IL17RD: variants seen among roughly 807,000 people sequenced by gnomAD.
The protein encoded by IL17RD is interleukin 17 receptor D, also known as interleukin-17 receptor D.
Under a neutral mutation model 80.5 loss-of-function variants are expected in IL17RD, and 52 were observed. The ratio of observed to expected loss-of-function variants is 0.65; its 90% CI spans 0.52 to 0.81. The LOEUF (loss-of-function observed/expected upper bound fraction) is 0.81. IL17RD is among the 40% of genes least tolerant of loss of function. The pLI, the probability that IL17RD is intolerant of heterozygous loss-of-function variation, is 0.00. For synonymous variants in IL17RD, 416 were observed against 391.8 expected, an observed-to-expected ratio of 1.06 and a Z score of -0.73; for missense variants, 1,024 against 955.1, an observed-to-expected ratio of 1.07 and a Z score of -0.95.
chr3:57,111,763 G>A (rs912919973), intron 3 of IL17RD, among the ~76,000 whole-genome samples: 1 of 151,250 alleles, frequency 6.6e-6, no homozygotes, highest in Admixed American at 6.6e-5. Context: ...AAGGTCAGGA[G>A]ATTGAGACCA....
chr3:57,121,844 C>G (rs781055812), intron 1 of IL17RD, among the ~76,000 whole-genome samples: 1 of 152,138 alleles, frequency 6.6e-6, no homozygotes, highest in African/African-American at 2.4e-5. Context: ...AGCCCAAGAT[C>G]CCCAAATCAC....
At chr3:57,101,078 G>A in intron 11 of IL17RD, 101 bp downstream of exon 11, 2 of 851,560 alleles carry the variant, frequency 2.3e-6, no homozygotes, top group South Asian at 1.8e-5. Flanking sequence ...TCAAGGGCAG[G>A]TGTCACCACA....
chr3:57,091,320 G>C lies in IL17RD; in HGVS notation c.*5073C>G, dbSNP rs1706548247. On this transcript the variant is annotated 3_prime_UTR_variant, in exon 13 of 13. Transcript: ENST00000296318. ...CAGGAGGAAAACAAACACAAGTTAT[G>C]ATAGATGACTATCATCAGGGGAAAA... 1 of 152,582 alleles carries C rather than the reference G, an allele frequency of 6.6e-6. No homozygotes were observed. The highest frequency in any genetic ancestry group is 1.5e-5 in the Non-Finnish European group (1 of 68,022). 9.5% of individuals were successfully genotyped at this position (152,582 alleles called of 1,614,324 possible). A position where few individuals can be genotyped will look rare whatever the true frequency, so the allele number is the denominator to read the frequency against.
rs1294574241 is a variant in IL17RD, at chr3:57,094,722, G to A, written c.*1671C>T. 6.6e-6 allele frequency: 1 copy of A among 152,188 alleles called. No homozygotes were observed. The highest frequency in any genetic ancestry group is 1.5e-5 in the Non-Finnish European group (1 of 68,048). 9.4% of individuals were successfully genotyped at this position (152,188 alleles called of 1,614,324 possible). A position where few individuals can be genotyped will look rare whatever the true frequency, so the allele number is the denominator to read the frequency against. On this transcript the variant is annotated 3_prime_UTR_variant, in exon 13 of 13. Coordinates refer to ENST00000296318, the MANE Select transcript of IL17RD (RefSeq NM_017563.5). ...TAGGATGAAATGGCGGGGCAGTCAT[G>A]TGTGGGTAGGAGCTCTGCACTCATT...
At position 57,109,931 on chromosome 3, in the gene IL17RD, T is replaced by C. The variant is rs7618704; in HGVS notation, c.429+262A>G. On this transcript the variant is annotated intron_variant, in intron 4 of 12. Transcript: ENST00000296318. ...AGTTGGGGCGCAGGGTGAGCCCACATACACTCTTTGGAGCACAAAGACACC... is the reference window on the plus strand; with the variant it reads ...AGTTGGGGCGCAGGGTGAGCCCACACACACTCTTTGGAGCACAAAGACACC... Among the ~76,000 whole-genome samples the C allele has an allele frequency of 0.062, 9,423 of 152,266 alleles. 400 individuals are homozygous for C. The highest frequency in any genetic ancestry group is 0.12 in the African/African-American group (5,010 of 41,540).
intron 3 of IL17RD, among the ~76,000 whole-genome samples, chr3:57,111,042 C>G (rs1707085828): frequency 6.6e-6 from 1 of 152,238 alleles, no homozygotes; most frequent in African/African-American, 2.4e-5. Flanking sequence ...AAGGATTAAG[C>G]TCTGACGGTC....
At chr3:57,124,292 G>A (rs1284274616) in intron 1 of IL17RD, among the ~76,000 whole-genome samples, 1 of 152,128 alleles carries the variant, frequency 6.6e-6, no homozygotes, top group Non-Finnish European at 1.5e-5. Flanking sequence ...CCACATTCTA[G>A]TTCCCAGAAC....
At position 57,109,572 on chromosome 3, in the gene IL17RD, T is replaced by C. The variant is rs143996885; in HGVS notation, c.515A>G (p.Glu172Gly). 6.4e-5 allele frequency: 104 copies of C among 1,613,906 alleles called. No homozygotes were observed. In the African/African-American group the frequency reaches 1.3e-3, roughly 19 times the overall value. Residue 172 changes from glutamate (E) to glycine (G), a missense_variant, in exon 5 of 13, where the codon GAA (glutamate) becomes GGA (glycine). Glu to Gly is a moderately conservative substitution (Grantham distance 98, BLOSUM62 -2). Coordinates refer to ENST00000296318, the MANE Select transcript of IL17RD (RefSeq NM_017563.5). Reference protein sequence around the residue: ...KVVPFPSIKNESNYHPFFFRT... With the variant: ...KVVPFPSIKNGSNYHPFFFRT... ...AAAGAAGAAAGGGTGGTAATTGCTTTCGTTTTTAATGGAAGGAAAAGGGAC... is the reference window on the plus strand; with the variant it reads ...AAAGAAGAAAGGGTGGTAATTGCTTCCGTTTTTAATGGAAGGAAAAGGGAC...
chr3:57,120,381 G>C, intron 1 of IL17RD, 68 bp from the exon 2 acceptor site: 2 of 1,113,938 alleles, frequency 1.8e-6, no homozygotes, highest in Non-Finnish European at 2.7e-6. Flanking sequence ...AAGCCCCATG[G>C]AGTCCAAATG....
intron 1 of IL17RD, among the ~76,000 whole-genome samples, chr3:57,131,185 C>T (rs1237805563): frequency 1.4e-5 from 2 of 145,932 alleles, no homozygotes; most frequent in East Asian, 4.2e-4. Context: ...TCTCAACTGT[C>T]TTGATTCTCC....
intron 1 of IL17RD, among the ~76,000 whole-genome samples, chr3:57,132,134 C>T (rs577837040): frequency 1.9e-4 from 28 of 150,990 alleles, no homozygotes; most frequent in Non-Finnish European, 3.8e-4. Flanking sequence ...CGTAGTGAGC[C>T]GAGATCACAC....
At chr3:57,109,113 T>A (rs1707033228) in intron 5 of IL17RD, among the ~76,000 whole-genome samples, 1 of 152,294 alleles carries the variant, frequency 6.6e-6, no homozygotes, top group Admixed American at 6.5e-5. Flanking sequence ...GCCATGCTTG[T>A]TTCATACCAG....
Position 57,156,669 on chromosome 3 carries a change from C to T in IL17RD, c.126+8492G>A, listed in dbSNP as rs148719267. On this transcript the variant is annotated intron_variant, in intron 1 of 12. Coordinates refer to ENST00000296318, the MANE Select transcript of IL17RD (RefSeq NM_017563.5). ...CCACTGAGTGTCCCTCTTATCAAAC[C>T]GTTCACCTGTTGGAGAAATCTTCCA... 6.6e-5 allele frequency among the ~76,000 whole-genome samples: 10 copies of T among 152,292 alleles called. No homozygotes were observed. In the East Asian group the frequency reaches 1.5e-3, roughly 24 times the overall value.
chr3:57,103,871 A>G (rs535543575), intron 8 of IL17RD, among the ~76,000 whole-genome samples: 1,687 of 152,154 alleles, frequency 0.011, 35 homozygotes, highest in African/African-American at 0.038. Flanking sequence ...CGCCCAGCTA[A>G]TTTTTGTATT....
intron 1 of IL17RD, among the ~76,000 whole-genome samples, chr3:57,126,538 C>A (rs578189131): frequency 1.3e-5 from 2 of 152,352 alleles, no homozygotes; most frequent in African/African-American, 4.8e-5. Context: ...CAGCTAGGGG[C>A]AGCCATGAAG....
rs1032019812 is a variant in IL17RD at position 57,094,545 on chromosome 3, T to C, written c.*1848A>G. The C allele has an allele frequency of 6.6e-6, 1 of 152,194 alleles. No individual in the cohort carries two copies. The highest frequency in any genetic ancestry group is 1.5e-5 in the Non-Finnish European group (1 of 68,048). 9.4% of individuals were successfully genotyped at this position (152,194 alleles called of 1,614,324 possible). A position where few individuals can be genotyped will look rare whatever the true frequency, so the allele number is the denominator to read the frequency against. On this transcript the variant is annotated 3_prime_UTR_variant, in exon 13 of 13. Transcript: ENST00000296318. ...ACTTTCTCAGAGATGCCTTATTTCA[T>C]GAACAAAGCTGAATACCCTAAAAGC...
chr3:57,152,704 A>G (rs923614281), intron 1 of IL17RD, among the ~76,000 whole-genome samples: 1 of 152,258 alleles, frequency 6.6e-6, no homozygotes, highest in African/African-American at 2.4e-5. Context: ...AACAAAAGCC[A>G]TGTAATTAGG....
Position 57,090,777 on chromosome 3 carries a change from G to A in IL17RD, c.*5616C>T, listed in dbSNP as rs1216873070. The A allele has an allele frequency of 6.6e-6, 1 of 152,208 alleles. No homozygotes were observed. The highest frequency in any genetic ancestry group is 1.5e-5 in the Non-Finnish European group (1 of 68,024). The allele number at this position is 152,208 out of a possible 1,614,324, so 9.4% of individuals were successfully genotyped here. ...ATGGCAATTTTTTGTCTAACAATTG[G>A]AGCAGCTAATTTTGTCTACATCATG... On this transcript the variant is annotated 3_prime_UTR_variant, in exon 13 of 13. Transcript: ENST00000296318.
intron 5 of IL17RD, 75 bp downstream of exon 5, chr3:57,109,462 A>T: frequency 6.5e-7 from 1 of 1,546,210 alleles, no homozygotes; most frequent in Non-Finnish European, 8.8e-7. Flanking sequence ...GTTCTTGAAC[A>T]CATTTCTGTA....
Sources: allele counts gnomAD v4.1 joint callset (sites outside exome capture counted in the v4.1 genomes callset), GRCh38; gene constraint gnomAD v4.1.1; transcripts MANE v1.5; gene names NCBI Gene and HGNC (gene_info 2026-07-23, HGNC 2026-07-21).